Variants in PRKDC observed in about 807,000 individuals in gnomAD.
PRKDC encodes the protein protein kinase, DNA-activated, catalytic subunit, also known as DNA-dependent protein kinase catalytic subunit.
Under a neutral mutation model 486.9 loss-of-function variants are expected in PRKDC, and 82 were observed. The ratio of observed to expected loss-of-function variants is 0.17; its 90% CI spans 0.14 to 0.20. The LOEUF (loss-of-function observed/expected upper bound fraction) is 0.20. Among genes scored for constraint, PRKDC ranks in the 10% least tolerant of loss-of-function variants. PRKDC has a pLI of 1.00. For missense variants in PRKDC, 4,504 were observed against 5,038.2 expected, an observed-to-expected ratio of 0.89 and a Z score of 3.21; for synonymous variants, 1,895 against 1,837.0, an observed-to-expected ratio of 1.03 and a Z score of -0.81.
At chr8:47,937,502 T>C (rs1327263631) in intron 11 of PRKDC, among the ~76,000 whole-genome samples, 2 of 152,182 alleles carry the variant, frequency 1.3e-5, no homozygotes, top group African/African-American at 4.8e-5. Context: ...TCACACACCC[T>C]ACCACACCAG....
In PRKDC at chr8:47,821,641, G is replaced by T; in HGVS notation, c.9074C>A (p.Pro3025Gln). The T allele has an allele frequency of 1.9e-6, 3 of 1,601,946 alleles. No individual in the cohort carries two copies. Among genetic ancestry groups the T allele is most frequent in the Non-Finnish European group, 2.6e-6 (3 of 1,173,208 alleles). ...STASIDSENP[P>Q]DLNKIWSEPF... ...TTCACTCCAGATTTTATTTAGGTCT[G>T]GGGGGTTCTCACTGTCTATACTGGC... Residue 3025 changes from proline (P) to glutamine (Q), a missense_variant, in exon 65 of 86, where the codon CCA (proline) becomes CAA (glutamine). Physicochemically the swap from Pro to Gln is moderately conservative, Grantham distance 76. Transcript: ENST00000314191.
rs8178190 is a variant in PRKDC, at chr8:47,830,777, T to A, written c.8266-41A>T. On this transcript the variant is annotated intron_variant, in intron 60 of 85. Coordinates refer to ENST00000314191, the MANE Select transcript of PRKDC (RefSeq NM_006904.7). ...CCAAAGAAGAAGATGAGCATTCTCA[T>A]TGAAGGAAACTAGTCGTGCATGAGC... The A allele has an allele frequency of 3.1e-6, 5 of 1,612,842 alleles. No homozygotes were observed. The African/African-American group carries it at 6.7e-5, about 22-fold the overall frequency.
intron 83 of PRKDC, 108 bp downstream of exon 83, chr8:47,778,351 C>CT: frequency 8.3e-7 from 1 of 1,207,898 alleles, no homozygotes; most frequent in Non-Finnish European, 1.1e-6. Flanking sequence ...CAAAACGAAT[C>CT]TAACTAATAT....
intron 68 of PRKDC, among the ~76,000 whole-genome samples, chr8:47,810,650 A>T (rs1368575763): frequency 6.6e-6 from 1 of 152,230 alleles, no homozygotes; most frequent in African/African-American, 2.4e-5. Flanking sequence ...TAAAGCAGCT[A>T]TGTTAACTAT....
At chr8:47,885,511 G>C (rs1179690622) in intron 36 of PRKDC, among the ~76,000 whole-genome samples, 1 of 151,982 alleles carries the variant, frequency 6.6e-6, no homozygotes, top group Non-Finnish European at 1.5e-5. Context: ...TTTGTTAAAA[G>C]CAAGAGCTTT....
Position 47,954,322 on chromosome 8 carries a change from T to G in PRKDC, c.508+16A>C. 1 of 1,032,668 alleles carries G rather than the reference T, an allele frequency of 9.7e-7. No homozygotes were observed. The highest frequency in any genetic ancestry group is 1.4e-6 in the Non-Finnish European group (1 of 736,530). The allele number at this position is 1,032,668 out of a possible 1,614,324, so 64.0% of individuals were successfully genotyped here. A position where few individuals can be genotyped will look rare whatever the true frequency, so the allele number is the denominator to read the frequency against. On this transcript the variant is annotated intron_variant, in intron 5 of 85. Coordinates refer to ENST00000314191, the MANE Select transcript of PRKDC (RefSeq NM_006904.7). ...TTTGCTAAACTATTTGAAAATAACA[T>G]GTAAATGCATCTCACCTGTATCTGG...
At chr8:47,878,026 C>T (rs1329164599) in intron 39 of PRKDC, among the ~76,000 whole-genome samples, 175 bp from the exon 40 acceptor site, 1 of 150,148 alleles carries the variant, frequency 6.7e-6, no homozygotes, top group African/African-American at 2.5e-5. Flanking sequence ...GTCATTTTTA[C>T]AAATATTGTT....
chr8:47,778,361 T>C (rs1220485391), intron 83 of PRKDC, 98 bp downstream of exon 83: 3 of 1,283,664 alleles, frequency 2.3e-6, no homozygotes, highest in African/African-American at 3.0e-5. Context: ...CTAACTAATA[T>C]GTTGTTTTTC....
intron 14 of PRKDC, among the ~76,000 whole-genome samples, chr8:47,934,526 C>T (rs1421517625): frequency 1.3e-5 from 2 of 152,112 alleles, no homozygotes; most frequent in Non-Finnish European, 2.9e-5. Context: ...CAGAGCGAGA[C>T]TCTGTCTCAA....
intron 76 of PRKDC, among the ~76,000 whole-genome samples, chr8:47,786,919 G>A (rs932041177): frequency 6.6e-6 from 1 of 151,312 alleles, no homozygotes; most frequent in Non-Finnish European, 1.5e-5. Flanking sequence ...TAGTAAAGAT[G>A]GGTTTCACCA....
At chr8:47,825,502 C>G (rs1480850387) in intron 63 of PRKDC, among the ~76,000 whole-genome samples, 14 of 47,160 alleles carry the variant, frequency 3.0e-4, no homozygotes, top group African/African-American at 1.5e-3. Flanking sequence ...GCAAGACTGT[C>G]TCAAAAAAAA....
At chr8:47,955,851 C>A in intron 4 of PRKDC, 23 bp downstream of exon 4, 2 of 1,519,912 alleles carry the variant, frequency 1.3e-6, no homozygotes, top group Non-Finnish European at 1.8e-6. Context: ...ATGTAAAATA[C>A]GTGTACTTAG....
chr8:47,799,927 G>A (rs1272648901), intron 71 of PRKDC, among the ~76,000 whole-genome samples: 6 of 152,162 alleles, frequency 3.9e-5, no homozygotes, highest in Non-Finnish European at 4.4e-5. Flanking sequence ...ATGGTGATGG[G>A]TGGGGAAATT....
At chr8:47,842,543 C>A (rs1171033302) in intron 54 of PRKDC, among the ~76,000 whole-genome samples, 3 of 151,990 alleles carry the variant, frequency 2.0e-5, no homozygotes, top group African/African-American at 7.3e-5. Context: ...GCATACACCA[C>A]AGTCAAACCC....
At chr8:47,890,953 T>C (rs1030946112) in intron 31 of PRKDC, among the ~76,000 whole-genome samples, 3 of 152,182 alleles carry the variant, frequency 2.0e-5, no homozygotes, top group African/African-American at 7.2e-5. Context: ...ATCCTGTCCT[T>C]CAAAGGACAG....
intron 54 of PRKDC, among the ~76,000 whole-genome samples, chr8:47,846,176 G>A (rs1460316908): frequency 6.6e-6 from 1 of 152,192 alleles, no homozygotes. Flanking sequence ...AGCACTTTGG[G>A]AAGCTGAGAT....
At chr8:47,907,070 GCT>G (rs1432873815) in intron 25 of PRKDC, among the ~76,000 whole-genome samples, 4 of 150,526 alleles carry the variant, frequency 2.7e-5, no homozygotes, top group African/African-American at 9.7e-5. Flanking sequence ...ACGGAGTCTC[GCT>G]CTGTCGCCCA....
Position 47,773,934 on chromosome 8 carries a change from G to C in PRKDC, c.*239C>G. The C allele has an allele frequency of 2.3e-6, 1 of 432,684 alleles. No individual in the cohort carries two copies. Among genetic ancestry groups the C allele is most frequent in the Non-Finnish European group, 4.1e-6 (1 of 244,870 alleles). 26.8% of individuals were successfully genotyped at this position (432,684 alleles called of 1,614,324 possible). The stretch of plus-strand genomic sequence containing the variant: ...TTGACTTAATACTTTGGTAAGCCTG[G>C]ATATCTATCTTTCTATAAACCTCAC... On this transcript the variant is annotated 3_prime_UTR_variant, in exon 86 of 86. Coordinates refer to ENST00000314191, the MANE Select transcript of PRKDC (RefSeq NM_006904.7).
Position 47,774,023 on chromosome 8 carries a change from T to C in PRKDC, c.*150A>G. On this transcript the variant is annotated 3_prime_UTR_variant, in exon 86 of 86. Coordinates refer to ENST00000314191, the MANE Select transcript of PRKDC (RefSeq NM_006904.7). ...ACCCATACACATTTACTCATCATAA[T>C]CTTGATTTAAACTCATGCTACGAAA... 1 of 750,562 alleles carries C rather than the reference T, an allele frequency of 1.3e-6. No homozygotes were observed. Among genetic ancestry groups the C allele is most frequent in the Non-Finnish European group, 2.1e-6 (1 of 477,882 alleles). The allele number at this position is 750,562 out of a possible 1,614,324, so 46.5% of individuals were successfully genotyped here.
Sources: allele counts gnomAD v4.1 joint callset (sites outside exome capture counted in the v4.1 genomes callset), GRCh38; gene constraint gnomAD v4.1.1; transcripts MANE v1.5; gene names NCBI Gene and HGNC (gene_info 2026-07-23, HGNC 2026-07-21).